The following RNF17 variants were observed in gnomAD, a reference collection of about 807,000 sequenced individuals.
The protein encoded by RNF17 is ring finger protein 17.
In RNF17, 31 loss-of-function variants were observed where a neutral mutation model predicts 200.5. That is an observed-to-expected ratio of 0.15 (90% CI 0.12 to 0.21). RNF17 has a LOEUF of 0.21. Ranked by LOEUF, RNF17 falls within the 10% of genes least tolerant of loss-of-function variation. The pLI, the probability that RNF17 is intolerant of heterozygous loss-of-function variation, is 1.00. For missense variants in RNF17, 1,628 were observed against 1,905.1 expected (o/e 0.85, Z 2.71); for synonymous variants, 606 against 637.8 (o/e 0.95, Z 0.75).
At position 24,843,732 on chromosome 13, in the gene RNF17, G is replaced by A; in HGVS notation, c.2604-12G>A. 1 of 1,501,368 alleles carries A rather than the reference G, an allele frequency of 6.7e-7. No individual in the cohort carries two copies. Among genetic ancestry groups the A allele is most frequent in the Non-Finnish European group, 9.3e-7 (1 of 1,080,670 alleles). The allele number at this position is 1,501,368 out of a possible 1,614,324, so 93.0% of individuals were successfully genotyped here. A position where few individuals can be genotyped will look rare whatever the true frequency, so the allele number is the denominator to read the frequency against. On this transcript the variant is annotated splice_polypyrimidine_tract_variant and intron_variant, in intron 19 of 35. Coordinates refer to ENST00000255324, the MANE Select transcript of RNF17 (RefSeq NM_031277.3). The stretch of plus-strand genomic sequence containing the variant: ...CATACAGTTCTTTTCATTAACTTTT[G>A]TTGTTTTTCAGATACATCCTCAAAG...
chr13:24,825,873 C>T, intron 16 of RNF17, 101 bp downstream of exon 16: 2 of 1,428,910 alleles, frequency 1.4e-6, no homozygotes, highest in Non-Finnish European at 9.4e-7. Context: ...GTTATTTGAT[C>T]TTATCATTTG....
chr13:24,842,675 G>A lies in RNF17; in HGVS notation c.2603+514G>A, dbSNP rs1406309883. On this transcript the variant is annotated intron_variant, in intron 19 of 35. Transcript: ENST00000255324. Reference sequence around the variant, plus strand: ...AAGAATAGAGTGGTGGCAAGGACAGGTGGGAGGGTTTTGAGGTCAAGACAA... The same window carrying A: ...AAGAATAGAGTGGTGGCAAGGACAGATGGGAGGGTTTTGAGGTCAAGACAA... 2.6e-5 allele frequency among the ~76,000 whole-genome samples: 4 copies of A among 152,228 alleles called. No homozygotes were observed. In the East Asian group the frequency reaches 7.7e-4, roughly 29 times the overall value.
intron 33 of RNF17, among the ~76,000 whole-genome samples, chr13:24,875,529 G>T (rs982714608): frequency 6.6e-5 from 10 of 152,332 alleles, no homozygotes; most frequent in African/African-American, 2.2e-4. Flanking sequence ...AATGCTGACT[G>T]AAAGAGCTGA....
intron 2 of RNF17, among the ~76,000 whole-genome samples, chr13:24,771,608 T>C (rs1316802112): frequency 6.6e-6 from 1 of 151,030 alleles, no homozygotes; most frequent in Non-Finnish European, 1.5e-5. Context: ...CTAGTCATTT[T>C]TACCCCTGCT....
At chr13:24,820,442 G>C (rs569083623) in intron 15 of RNF17, among the ~76,000 whole-genome samples, 32 of 150,596 alleles carry the variant, frequency 2.1e-4, no homozygotes, top group Non-Finnish European at 2.5e-4. Flanking sequence ...GTTTTGTTTT[G>C]TTTTTATTTT....
intron 1 of RNF17, 179 bp downstream of exon 1, chr13:24,764,512 G>T (rs1401618919): frequency 2.1e-6 from 1 of 477,554 alleles, no homozygotes; most frequent in Non-Finnish European, 2.7e-6. Flanking sequence ...GCTTGGGTTG[G>T]TTAAGGGCAG....
intron 15 of RNF17, among the ~76,000 whole-genome samples, chr13:24,818,173 A>G (rs1043923316): frequency 6.6e-6 from 1 of 151,888 alleles, no homozygotes; most frequent in Non-Finnish European, 1.5e-5. Flanking sequence ...TAGTTTCTAC[A>G]TATTTGAATT....
intron 32 of RNF17, among the ~76,000 whole-genome samples, chr13:24,873,327 A>C (rs887824061): frequency 6.6e-6 from 1 of 152,246 alleles, no homozygotes; most frequent in Non-Finnish European, 1.5e-5. Context: ...CTTATAAAAT[A>C]TGAACAGAAA....
chr13:24,797,745 T>TGTGTGTGTGTGTGTGTGTGTGTG (rs61047281), intron 11 of RNF17, among the ~76,000 whole-genome samples: 18 of 151,404 alleles, frequency 1.2e-4, no homozygotes, highest in Non-Finnish European at 1.5e-4. Flanking sequence ...TGTGTGTGTG[T>TGTGTGTGTGTGTGTGTGTGTGTG]TTACCCTGCA....
chr13:24,876,876 C>T (rs1160153298), intron 33 of RNF17, 121 bp from the exon 34 acceptor site: 7 of 687,192 alleles, frequency 1.0e-5, no homozygotes, highest in South Asian at 2.4e-5. Context: ...CTTTTGGTGT[C>T]GTATCCAAAA....
intron 19 of RNF17, among the ~76,000 whole-genome samples, chr13:24,842,662 G>T (rs1344031630): frequency 6.6e-6 from 1 of 152,118 alleles, no homozygotes; most frequent in Non-Finnish European, 1.5e-5. Context: ...GAATAGAGTG[G>T]TGGCAAGGAC....
At chr13:24,814,068 A>G (rs1349223719) in intron 15 of RNF17, among the ~76,000 whole-genome samples, 1 of 152,156 alleles carries the variant, frequency 6.6e-6, no homozygotes, top group Non-Finnish European at 1.5e-5. Context: ...ATATGTATTC[A>G]ATACTGCATT....
chr13:24,845,306 A>C (rs756294335), intron 22 of RNF17, among the ~76,000 whole-genome samples: 4 of 152,196 alleles, frequency 2.6e-5, no homozygotes, highest in Non-Finnish European at 4.4e-5. Flanking sequence ...GAATATTAAA[A>C]ATTTTACTTT....
intron 28 of RNF17, among the ~76,000 whole-genome samples, chr13:24,863,679 A>C (rs918547492): frequency 2.0e-4 from 31 of 152,336 alleles, no homozygotes; most frequent in African/African-American, 7.2e-4. Context: ...GTCCCTCCCT[A>C]GTTACTTAGT....
chr13:24,849,829 AT>A (rs1463511436), intron 22 of RNF17, among the ~76,000 whole-genome samples: 2 of 152,200 alleles, frequency 1.3e-5, no homozygotes, highest in Non-Finnish European at 2.9e-5. Context: ...TTCAAGTTAG[AT>A]TTGAAATCCA....
chr13:24,764,919 GTGTGTT>G lies in RNF17; in HGVS notation c.130+587_130+592del, dbSNP rs1879417756. 3.1e-5 allele frequency among the ~76,000 whole-genome samples: 4 copies of G among 128,790 alleles called. No individual in the cohort carries two copies. The South Asian group carries it at 1.1e-3, about 36-fold the overall frequency. The allele number at this position is 128,790 out of a possible 152,430, so 84.5% of individuals were successfully genotyped here. ...TGTGTGTGTGTGTGTGTGTGTGTGT[GTGTGTT>G]GGTCTTTATACGTGAGGGGAAAAAT... On this transcript the variant is annotated intron_variant, in intron 1 of 35. Transcript: ENST00000255324.
At chr13:24,820,195 C>T (rs749139504) in intron 15 of RNF17, among the ~76,000 whole-genome samples, 4 of 149,602 alleles carry the variant, frequency 2.7e-5, no homozygotes, top group Non-Finnish European at 4.4e-5. Flanking sequence ...GATCTCTGCT[C>T]ACTGCAGTCT....
chr13:24,862,290 G>A (rs1336776319), intron 27 of RNF17, among the ~76,000 whole-genome samples: 2 of 152,206 alleles, frequency 1.3e-5, no homozygotes, highest in Admixed American at 6.5e-5. Flanking sequence ...GACTCACATT[G>A]CTTTGGCAGG....
At chr13:24,867,920 G>A (rs1893807152) in intron 30 of RNF17, among the ~76,000 whole-genome samples, 1 of 152,178 alleles carries the variant, frequency 6.6e-6, no homozygotes, top group South Asian at 2.1e-4. Context: ...CAGCAAAAAT[G>A]TATAAAAGGA....
Sources: gnomAD v4.1 joint callset for allele counts (sites outside exome capture counted in the v4.1 genomes callset) on GRCh38, gnomAD v4.1.1 for gene constraint, MANE v1.5 for transcripts, NCBI Gene and HGNC (gene_info 2026-07-23, HGNC 2026-07-21) for gene names.